The following MYOF variants were observed in gnomAD, a reference collection of about 807,000 sequenced individuals.
The protein encoded by MYOF is fer-1-like 3, myoferlin.
MYOF carries 244 observed loss-of-function variants against 284.2 expected under a neutral mutation model. The observed-to-expected ratio is 0.86, with a 90% CI of 0.77 to 0.95. MYOF has a LOEUF of 0.95. Ranked by LOEUF, MYOF falls within the 40% of genes least tolerant of loss-of-function variation. MYOF has a pLI of 0.00. For missense variants in MYOF, 2,496 were observed against 2,560.6 expected (o/e 0.97, Z 0.54); for synonymous variants, 904 against 919.7 (o/e 0.98, Z 0.31).
intron 38 of MYOF, among the ~76,000 whole-genome samples, chr10:93,342,353 T>C (rs1022380622): frequency 2.6e-5 from 4 of 151,628 alleles, no homozygotes; most frequent in African/African-American, 9.7e-5. Flanking sequence ...CATTTGACTT[T>C]GTACAGATGT....
chr10:93,396,220 G>T lies in MYOF; in HGVS notation c.1339C>A (p.Arg447Ser), dbSNP rs557951217. The T allele has an allele frequency of 6.3e-7, 1 of 1,583,078 alleles. No individual in the cohort carries two copies. The highest frequency in any genetic ancestry group is 1.2e-5 in the South Asian group (1 of 84,068). ...CCAACTACATCATTTTTAGTAAGAC[G>T]GTCCCTGTGTAAAAAATAAAAATAA... ...KIKLTIYDWD[R>S]LTKNDVVGTT... The change falls in exon 16 of 54, where the codon CGT becomes AGT. Residue 447 changes from arginine (R) to serine (S), a missense_variant. Transcript: ENST00000359263.
intron 36 of MYOF, among the ~76,000 whole-genome samples, chr10:93,348,345 G>A (rs1017445810): frequency 1.3e-5 from 2 of 152,158 alleles, no homozygotes; most frequent in African/African-American, 4.8e-5. Context: ...AAAATGGATT[G>A]CTACTTTCTC....
At chr10:93,409,834 T>G (rs997339865) in intron 5 of MYOF, 95 bp from the exon 6 acceptor site, 1 of 1,454,478 alleles carries the variant, frequency 6.9e-7, no homozygotes, top group Admixed American at 2.1e-5. Flanking sequence ...TCTGCCATTA[T>G]GTTTTAAGTG....
chr10:93,367,235 G>C (rs1466299061), intron 25 of MYOF, among the ~76,000 whole-genome samples: 1 of 152,204 alleles, frequency 6.6e-6, no homozygotes, highest in Non-Finnish European at 1.5e-5. Flanking sequence ...TTCCAAGTTA[G>C]AATCTATAAA....
chr10:93,345,940 T>C (rs1844166972), intron 37 of MYOF, among the ~76,000 whole-genome samples: 2 of 152,170 alleles, frequency 1.3e-5, no homozygotes, highest in African/African-American at 2.4e-5. Flanking sequence ...CGTAAGTGAT[T>C]CTGGGGCCAG....
In MYOF at chr10:93,347,693, C is replaced by T; in HGVS notation, c.4173G>A (p.Gln1391=). 6.2e-7 allele frequency: 1 copy of T among 1,614,176 alleles called. No individual in the cohort carries two copies. Among genetic ancestry groups the T allele is most frequent in the South Asian group, 1.1e-5 (1 of 91,086 alleles). ...RQFGRKPVVG[Q]CTIERLDRFR... is the part of the protein sequence containing the mutation. Reference sequence around the variant, plus strand: ...AGCGGTCCAGGCGCTCGATGGTGCACTGGCCGACGACAGGCTTCCGCCCAA... The same window carrying T: ...AGCGGTCCAGGCGCTCGATGGTGCATTGGCCGACGACAGGCTTCCGCCCAA... The change falls in exon 37 of 54, where the codon CAG becomes CAA. Residue 1391 remains glutamine, a synonymous_variant. Coordinates refer to ENST00000359263, the MANE Select transcript of MYOF (RefSeq NM_013451.4).
At position 93,431,513 on chromosome 10, in the gene MYOF, TA is replaced by T. The variant is rs745396655; in HGVS notation, c.239del (p.Leu80Ter). ...KDFETIGQNK[L>X]IGTATVALKD... ...TCAGGGCTACAGTCGCCGTGCCAAT[TA>T]ATCTGCAGGGAAAACAGGAAAGCAC... On this transcript the variant is annotated frameshift_variant and splice_region_variant, in exon 4 of 54. Transcript: ENST00000359263. LOFTEE classifies it high-confidence loss of function. 6.2e-7 allele frequency: 1 copy of T among 1,613,384 alleles called. No individual in the cohort carries two copies. The highest frequency in any genetic ancestry group is 1.1e-5 in the South Asian group (1 of 91,066).
intron 38 of MYOF, among the ~76,000 whole-genome samples, chr10:93,341,719 T>C (rs1192581994): frequency 6.6e-6 from 1 of 152,236 alleles, no homozygotes; most frequent in Non-Finnish European, 1.5e-5. Context: ...TATCTAATAA[T>C]AAACTTGCAA....
At chr10:93,366,643 T>C (rs1589449521) in intron 25 of MYOF, 88 bp from the exon 26 acceptor site, 2 of 1,164,024 alleles carry the variant, frequency 1.7e-6, no homozygotes, top group East Asian at 2.4e-5. Flanking sequence ...ATCGAGGACT[T>C]AGGCTAGACA....
At chr10:93,384,646 GAAAAA>G (rs74741758) in intron 19 of MYOF, among the ~76,000 whole-genome samples, 2 of 142,730 alleles carry the variant, frequency 1.4e-5, no homozygotes, top group Non-Finnish European at 1.5e-5. Flanking sequence ...CTCTGTCTCA[GAAAAA>G]AAAAAAAAAA....
intron 24 of MYOF, 32 bp from the exon 25 acceptor site, chr10:93,369,808 A>G (rs1845505228): frequency 1.2e-6 from 2 of 1,613,140 alleles, no homozygotes; most frequent in Admixed American, 3.3e-5. Flanking sequence ...GTGATGTTAC[A>G]TTAGGCACAG....
intron 1 of MYOF, among the ~76,000 whole-genome samples, chr10:93,476,267 T>TG (rs1278171328): frequency 6.8e-6 from 1 of 147,258 alleles, no homozygotes; most frequent in Admixed American, 6.8e-5. Context: ...TTTTTTTTTT[T>TG]TTTTAGATGG....
At chr10:93,471,889 CAAAA>C (rs35028422) in intron 1 of MYOF, among the ~76,000 whole-genome samples, 3 of 140,410 alleles carry the variant, frequency 2.1e-5, no homozygotes, top group Admixed American at 7.0e-5. Context: ...AACACTGTCT[CAAAA>C]AAAAAAAAAA....
At chr10:93,478,147 AT>A in intron 1 of MYOF, 1 of 257,462 alleles carries the variant, frequency 3.9e-6, no homozygotes, top group Non-Finnish European at 7.5e-6. Flanking sequence ...TAAAAATATT[AT>A]ATTATTTAAA....
At chr10:93,389,518 C>T (rs1846569274) in intron 17 of MYOF, among the ~76,000 whole-genome samples, 1 of 152,158 alleles carries the variant, frequency 6.6e-6, no homozygotes, top group African/African-American at 2.4e-5. Context: ...TTTGGGAAGT[C>T]ACTTAAATGA....
intron 32 of MYOF, among the ~76,000 whole-genome samples, chr10:93,353,132 C>T (rs1264029920): frequency 1.3e-5 from 2 of 152,192 alleles, no homozygotes; most frequent in Middle Eastern, 3.2e-3. Flanking sequence ...CTCTGCTGGG[C>T]TTTGAGTCCC....
chr10:93,376,504 TAA>T (rs1011213269), intron 22 of MYOF, among the ~76,000 whole-genome samples: 5 of 151,986 alleles, frequency 3.3e-5, no homozygotes, highest in African/African-American at 9.7e-5. Context: ...ATTCAGAACT[TAA>T]ACAAGCACCC....
At chr10:93,367,630 T>C (rs527654362) in intron 25 of MYOF, among the ~76,000 whole-genome samples, 2 of 152,180 alleles carry the variant, frequency 1.3e-5, no homozygotes, top group South Asian at 2.1e-4. Flanking sequence ...GAAGCCAGCA[T>C]AGCCTTAGTA....
chr10:93,431,479 T>C lies in MYOF; in HGVS notation c.274A>G (p.Thr92Ala). ...GGCAGGGATCTGCTCTGGTCACCAG[T>C]CAGGTCCTTCAGGGCTACAGTCGCC... Reference protein sequence around the residue: ...GTATVALKDLTGDQSRSLPYK... With the variant: ...GTATVALKDLAGDQSRSLPYK... The change falls in exon 4 of 54, where the codon ACT (threonine) becomes GCT (alanine). Residue 92 changes from threonine (T) to alanine (A), a missense_variant. This residue lies in a region of MYOF where 2,436 missense variants were observed against 2,480.7 expected (regional missense o/e 0.98). Transcript: ENST00000359263. 6.2e-7 allele frequency: 1 copy of C among 1,614,034 alleles called. No homozygotes were observed. Among genetic ancestry groups the C allele is most frequent in the Non-Finnish European group, 8.5e-7 (1 of 1,179,944 alleles).
Sources: allele counts gnomAD v4.1 joint callset (sites outside exome capture counted in the v4.1 genomes callset), GRCh38; gene constraint gnomAD v4.1.1; regional missense constraint gnomAD v4.1.1; transcripts MANE v1.5; gene names NCBI Gene and HGNC (gene_info 2026-07-23, HGNC 2026-07-21).